The following WDFY4 variants were observed in gnomAD, a reference collection of about 807,000 sequenced individuals.
WDFY4 encodes the protein WD repeat- and FYVE domain-containing protein 4.
WDFY4 carries 169 observed loss-of-function variants against 351.9 expected under a neutral mutation model. The ratio of observed to expected loss-of-function variants is 0.48; its 90% CI spans 0.42 to 0.55. The LOEUF (loss-of-function observed/expected upper bound fraction) is 0.55, where lower values mean the gene tolerates loss of function less well. Among genes scored for constraint, WDFY4 ranks in the 20% least tolerant of loss-of-function variants. The pLI, the probability that WDFY4 is intolerant of heterozygous loss-of-function variation, is 0.00. For synonymous variants in WDFY4, 1,622 were observed against 1,574.6 expected (o/e 1.03, Z -0.71); for missense variants, 3,803 against 3,935.6 (o/e 0.97, Z 0.90).
intron 43 of WDFY4, among the ~76,000 whole-genome samples, chr10:48,887,335 A>T (rs2070499933): frequency 6.6e-6 from 1 of 152,242 alleles, no homozygotes; most frequent in African/African-American, 2.4e-5. Context: ...AAAAGGTACA[A>T]TAAGAGAAAA....
At chr10:48,805,452 C>T (rs912362425) in intron 26 of WDFY4, 31 bp downstream of exon 26, 1 of 1,539,342 alleles carries the variant, frequency 6.5e-7, no homozygotes. Flanking sequence ...GGGGGAAGAG[C>T]AGGGCCCCAG....
intron 39 of WDFY4, among the ~76,000 whole-genome samples, chr10:48,840,044 T>G (rs934602684): frequency 6.6e-6 from 1 of 152,224 alleles, no homozygotes; most frequent in Non-Finnish European, 1.5e-5. Context: ...TAGGAATATT[T>G]CCAGACGGGA....
Position 48,826,856 on chromosome 10 carries a change from C to T in WDFY4, c.6168C>T (p.Asn2056=), listed in dbSNP as rs764364016. 59 of 1,551,672 alleles carry T rather than the reference C, an allele frequency of 3.8e-5. No homozygotes were observed. The highest frequency in any genetic ancestry group is 5.1e-5 in the Non-Finnish European group (58 of 1,147,026). ...WDVVFATYNS[N]ISFLLCLMHC... ...TTGTCTTTGCCACCTACAATTCCAA[C>T]ATCAGCTTCCTCCTGTGTCTCATGC... Residue 2056 remains asparagine, a synonymous_variant, in exon 36 of 62, where the codon AAC becomes AAT. Transcript: ENST00000325239.
rs183539605 is a variant in WDFY4, at chr10:48,748,917, G to A, written c.2459+5369G>A. Among the ~76,000 whole-genome samples, 734 of 152,336 alleles carry A rather than the reference G, an allele frequency of 4.8e-3. 3 individuals are homozygous for A. The highest frequency in any genetic ancestry group is 7.8e-3 in the Non-Finnish European group (531 of 68,032). On this transcript the variant is annotated intron_variant, in intron 12 of 61. Transcript: ENST00000325239. The stretch of plus-strand genomic sequence containing the variant: ...GTAGGTCCCAAGTCTCCAGGGAGGA[G>A]GGAAAGAGGCCGTGGGCCTTGGAGT...
At chr10:48,883,389 G>GGTGT (rs71026226) in intron 43 of WDFY4, among the ~76,000 whole-genome samples, 19,081 of 150,600 alleles carry the variant, frequency 0.13, 1,300 homozygotes, top group Middle Eastern at 0.22. Context: ...TTGTGCAAGG[G>GGTGT]GTGTGTGTGT....
At chr10:48,725,061 G>A (rs2064220577) in intron 5 of WDFY4, among the ~76,000 whole-genome samples, 1 of 152,168 alleles carries the variant, frequency 6.6e-6, no homozygotes, top group Admixed American at 6.5e-5. Context: ...GAAGTGGAGA[G>A]GAGCAGAGAA....
intron 39 of WDFY4, among the ~76,000 whole-genome samples, chr10:48,860,817 T>A (rs1317430992): frequency 6.6e-6 from 1 of 152,182 alleles, no homozygotes; most frequent in East Asian, 1.9e-4. Context: ...TTCCTAAGAG[T>A]TTGAGGATTT....
chr10:48,736,358 G>T (rs891548187), intron 11 of WDFY4: 1 of 594,888 alleles, frequency 1.7e-6, no homozygotes, highest in Admixed American at 3.0e-5. Context: ...AGGGAAGAGA[G>T]ACCATGGGGA....
chr10:48,934,759 A>G (rs1036715005), intron 47 of WDFY4, among the ~76,000 whole-genome samples: 8 of 152,218 alleles, frequency 5.3e-5, no homozygotes, highest in African/African-American at 1.9e-4. Context: ...GTTTCCTTAG[A>G]GGGGTGACTG....
intron 47 of WDFY4, among the ~76,000 whole-genome samples, chr10:48,907,265 C>G (rs1415744960): frequency 1.3e-5 from 2 of 152,182 alleles, no homozygotes; most frequent in Non-Finnish European, 2.9e-5. Context: ...GATTCTCTTT[C>G]TCTCAAATCT....
At chr10:48,757,719 A>G (rs2065378336) in intron 12 of WDFY4, among the ~76,000 whole-genome samples, 1 of 151,526 alleles carries the variant, frequency 6.6e-6, no homozygotes, top group Non-Finnish European at 1.5e-5. Context: ...TTAGTATTCA[A>G]TTTGAGTTTA....
intron 13 of WDFY4, among the ~76,000 whole-genome samples, chr10:48,770,017 T>A (rs1043800303): frequency 2.0e-5 from 3 of 152,212 alleles, no homozygotes; most frequent in African/African-American, 7.2e-5. Flanking sequence ...GGAAAATCAA[T>A]CCATTTGTAG....
intron 26 of WDFY4, among the ~76,000 whole-genome samples, chr10:48,805,751 C>T (rs1042136226): frequency 6.6e-6 from 1 of 152,224 alleles, no homozygotes; most frequent in African/African-American, 2.4e-5. Context: ...GAAGAGCAGT[C>T]CCAGCCACCA....
intron 39 of WDFY4, among the ~76,000 whole-genome samples, chr10:48,836,013 A>G (rs2068377867): frequency 6.6e-6 from 1 of 152,184 alleles, no homozygotes; most frequent in South Asian, 2.1e-4. Flanking sequence ...CCTTTTGCTG[A>G]GATGAAACTT....
chr10:48,833,420 G>A (rs1269149512), intron 39 of WDFY4, among the ~76,000 whole-genome samples: 1 of 152,088 alleles, frequency 6.6e-6, no homozygotes, highest in African/African-American at 2.4e-5. Flanking sequence ...CAGCATGGTA[G>A]CAGGGTTTCA....
Position 48,772,520 on chromosome 10 carries a change from TTTTTTTTTTTTTTTTGCATTTTC to T in WDFY4, c.2554-1922_2554-1900del, listed in dbSNP as rs2065898527. ...TCTTACCTAGTGGAGGGCAGTTCTTTTTTTTTTTTTTTTTTGCATTTTCTTTTTTTTTTTTTTTATTATACTTT... is the reference window on the plus strand; with the variant it reads ...TCTTACCTAGTGGAGGGCAGTTCTTTTTTTTTTTTTTTTTTATTATACTTT... On this transcript the variant is annotated intron_variant, in intron 13 of 61. Coordinates refer to ENST00000325239, the MANE Select transcript of WDFY4 (RefSeq NM_001394531.1). 2.2e-5 allele frequency among the ~76,000 whole-genome samples: 3 copies of T among 139,304 alleles called. No individual in the cohort carries two copies. In the South Asian group the frequency reaches 6.9e-4, roughly 32 times the overall value. 91.4% of individuals were successfully genotyped at this position (139,304 alleles called of 152,430 possible).
chr10:48,918,082 A>G (rs896581343), intron 47 of WDFY4, among the ~76,000 whole-genome samples: 6 of 152,204 alleles, frequency 3.9e-5, no homozygotes, highest in Non-Finnish European at 7.3e-5. Flanking sequence ...GGCAATATAT[A>G]AAAAGATATA....
rs1164182859 is a variant in WDFY4 at position 48,824,669 on chromosome 10, C to T, written c.5983-2002C>T. ...TTTTTTTAAAAGACAAAGTTCCTGC[C>T]CTGTCTTCCAGGTTGGAGTGCAGTG... On this transcript the variant is annotated intron_variant, in intron 35 of 61. Coordinates refer to ENST00000325239, the MANE Select transcript of WDFY4 (RefSeq NM_001394531.1). Among the ~76,000 whole-genome samples the T allele has an allele frequency of 2.6e-5, 4 of 151,552 alleles. No homozygotes were observed. The East Asian group carries it at 7.7e-4, about 29-fold the overall frequency.
chr10:48,769,457 C>G (rs2065788278), intron 13 of WDFY4, among the ~76,000 whole-genome samples: 1 of 152,212 alleles, frequency 6.6e-6, no homozygotes, highest in African/African-American at 2.4e-5. Context: ...GCTTAAGTCA[C>G]TTAAAGTCTA....
Sources: allele counts gnomAD v4.1 joint callset (sites outside exome capture counted in the v4.1 genomes callset), GRCh38; gene constraint gnomAD v4.1.1; transcripts MANE v1.5; gene names NCBI Gene and HGNC (gene_info 2026-07-23, HGNC 2026-07-21).